The following RAB40C variants were observed in gnomAD, a reference collection of about 807,000 sequenced individuals.
RAB40C encodes RAB40C, member RAS oncogene family, also known as ras-related protein Rab-40C.
RAB40C carries 8 observed loss-of-function variants against 28.1 expected under a neutral mutation model. That is an observed-to-expected ratio of 0.28 (90% CI 0.17 to 0.51). The LOEUF is 0.51. Among genes scored for constraint, RAB40C ranks in the 20% least tolerant of loss-of-function variants. The probability of loss-of-function intolerance (pLI) is 0.97; values close to 1 mark genes in which losing one functional copy is unlikely to be tolerated. For synonymous variants in RAB40C, 201 were observed against 171.7 expected, an observed-to-expected ratio of 1.17 and a Z score of -1.34; for missense variants, 288 against 405.9, an observed-to-expected ratio of 0.71 and a Z score of 2.50.
chr16:613,747 G>T (rs2036529826), intron 1 of RAB40C, among the ~76,000 whole-genome samples: 1 of 152,078 alleles, frequency 6.6e-6, no homozygotes, highest in African/African-American at 2.4e-5. Context: ...TCCTTATGTG[G>T]GTCTTAGTGG....
intron 1 of RAB40C, among the ~76,000 whole-genome samples, chr16:595,615 T>C (rs1180489722): frequency 6.6e-6 from 1 of 151,346 alleles, no homozygotes; most frequent in Non-Finnish European, 1.5e-5. Context: ...TTTTTTTTTT[T>C]TTTTTGAGAC....
Position 617,188 on chromosome 16 carries a change from C to G in RAB40C, c.143-20C>G. On this transcript the variant is annotated intron_variant, in intron 1 of 5. Transcript: ENST00000248139. ...CTCCAGGAGTGGCGCGTCCCCTCAG[C>G]GCCCTGTGCTTCCTCGCAGGGATCG... The G allele has an allele frequency of 6.2e-7, 1 of 1,612,824 alleles. No individual in the cohort carries two copies.
intron 1 of RAB40C, among the ~76,000 whole-genome samples, chr16:590,806 G>C (rs2151055459): frequency 6.6e-6 from 1 of 151,568 alleles, no homozygotes; most frequent in Non-Finnish European, 1.5e-5. Flanking sequence ...GGTGTCATGG[G>C]TCTAGGATCA....
intron 1 of RAB40C, 133 bp from the exon 2 acceptor site, chr16:617,075 G>C (rs2036601771): frequency 1.1e-6 from 1 of 922,430 alleles, no homozygotes; most frequent in Non-Finnish European, 1.7e-6. Flanking sequence ...CTGCCCCACT[G>C]GCTGAGTGTG....
intron 1 of RAB40C, among the ~76,000 whole-genome samples, chr16:591,286 G>A (rs1300810644): frequency 6.6e-5 from 10 of 151,654 alleles, no homozygotes; most frequent in Admixed American, 4.6e-4. Context: ...CTGGGGGAAG[G>A]CATCATGGTC....
intron 1 of RAB40C, among the ~76,000 whole-genome samples, chr16:594,533 A>G (rs1456394946): frequency 6.6e-6 from 1 of 152,122 alleles, no homozygotes; most frequent in Non-Finnish European, 1.5e-5. Flanking sequence ...AACAGTTACA[A>G]ACGTTTCTTC....
chr16:594,360 G>A (rs1029756453), intron 1 of RAB40C, among the ~76,000 whole-genome samples: 4 of 152,174 alleles, frequency 2.6e-5, no homozygotes, highest in African/African-American at 7.2e-5. Flanking sequence ...AGGCGGTTGT[G>A]GACATGGCGA....
chr16:624,921 C>T (rs1489338078), intron 3 of RAB40C: 2 of 1,285,304 alleles, frequency 1.6e-6, no homozygotes, highest in Admixed American at 2.3e-5. Context: ...GCAAAAAGTC[C>T]CCGTGGCAAA....
chr16:605,670 C>G (rs1008734417), intron 1 of RAB40C, among the ~76,000 whole-genome samples: 2 of 152,200 alleles, frequency 1.3e-5, no homozygotes, highest in African/African-American at 4.8e-5. Flanking sequence ...TCCCGTGTGT[C>G]AAGGCTGCAG....
intron 1 of RAB40C, among the ~76,000 whole-genome samples, chr16:597,965 G>T (rs1260278106): frequency 1.9e-5 from 2 of 106,858 alleles, no homozygotes; most frequent in South Asian, 3.2e-4. Context: ...AAAAAAAAAA[G>T]GCCGGGTGCA....
chr16:615,415 C>T (rs899913658), intron 1 of RAB40C, among the ~76,000 whole-genome samples: 4 of 152,078 alleles, frequency 2.6e-5, no homozygotes, highest in Admixed American at 6.6e-5. Flanking sequence ...CGTGGGAGGG[C>T]GTCGCTTATG....
intron 1 of RAB40C, chr16:596,514 G>A (rs1324481560): frequency 2.3e-5 from 8 of 340,848 alleles, no homozygotes; most frequent in East Asian, 8.3e-5. Context: ...GGTGTCATCC[G>A]CCGGGCGTTT....
At chr16:626,342 C>T (rs941651735) in intron 5 of RAB40C, among the ~76,000 whole-genome samples, 7 of 152,180 alleles carry the variant, frequency 4.6e-5, no homozygotes, top group Admixed American at 3.9e-4. Flanking sequence ...ATGACCCCCC[C>T]TCAGGGTGCC....
chr16:622,261 G>A (rs2036734367), intron 3 of RAB40C, among the ~76,000 whole-genome samples: 1 of 152,166 alleles, frequency 6.6e-6, no homozygotes, highest in Admixed American at 6.5e-5. Flanking sequence ...GATGCATATT[G>A]CCACCGTTAC....
At chr16:614,209 T>C (rs928140589) in intron 1 of RAB40C, among the ~76,000 whole-genome samples, 14 of 139,016 alleles carry the variant, frequency 1.0e-4, no homozygotes, top group African/African-American at 3.9e-4. Context: ...GGTGAACTGC[T>C]AACTCTGCCG....
At chr16:602,540 T>A (rs923415198) in intron 1 of RAB40C, among the ~76,000 whole-genome samples, 1 of 152,142 alleles carries the variant, frequency 6.6e-6, no homozygotes, top group African/African-American at 2.4e-5. Flanking sequence ...TCAAGCCTCT[T>A]GCCTCAGCCC....
chr16:627,782 T>A lies in RAB40C; in HGVS notation c.*160T>A. 2 of 893,728 alleles carry A rather than the reference T, an allele frequency of 2.2e-6. No homozygotes were observed. Among genetic ancestry groups the A allele is most frequent in the African/African-American group, 1.7e-5 (1 of 58,382 alleles). The allele number at this position is 893,728 out of a possible 1,614,324, so 55.4% of individuals were successfully genotyped here. A position where few individuals can be genotyped will look rare whatever the true frequency, so the allele number is the denominator to read the frequency against. On this transcript the variant is annotated 3_prime_UTR_variant, in exon 6 of 6. Transcript: ENST00000248139. ...CCTGAGCCGGGTGCGAGGAGGAGCA[T>A]GCACGGACCAAGCGCGGCAGGCGGG...
chr16:605,754 A>G (rs2036348976), intron 1 of RAB40C, among the ~76,000 whole-genome samples: 1 of 152,112 alleles, frequency 6.6e-6, no homozygotes, highest in African/African-American at 2.4e-5. Flanking sequence ...TCCTGTGAGG[A>G]GTCTCAGACG....
At chr16:601,814 G>GGAAAAAAA (rs2036254885) in intron 1 of RAB40C, among the ~76,000 whole-genome samples, 1 of 8,438 alleles carries the variant, frequency 1.2e-4, no homozygotes, top group Non-Finnish European at 2.4e-4. Flanking sequence ...GCAAAAAAAA[G>GGAAAAAAA]TAAAAAAAAA....
Sources: allele counts gnomAD v4.1 joint callset (sites outside exome capture counted in the v4.1 genomes callset), GRCh38; gene constraint gnomAD v4.1.1; transcripts MANE v1.5; gene names NCBI Gene and HGNC (gene_info 2026-07-23, HGNC 2026-07-21).